The following KIAA1549 variants were observed in gnomAD, a reference collection of about 807,000 sequenced individuals.
The protein encoded by KIAA1549 is UPF0606 protein KIAA1549.
A neutral mutation model predicts 156.4 loss-of-function variants in KIAA1549; 70 were observed. The ratio of observed to expected loss-of-function variants is 0.45; its 90% confidence interval spans 0.37 to 0.55. The LOEUF (loss-of-function observed/expected upper bound fraction) is 0.55, where lower values mean the gene tolerates loss of function less well. Ranked by LOEUF, KIAA1549 falls within the 20% of genes least tolerant of loss-of-function variation. The pLI is 0.00. For missense variants in KIAA1549, 2,428 were observed against 2,540.9 expected (o/e 0.96, Z 0.96); for synonymous variants, 1,103 against 1,066.4 (o/e 1.03, Z -0.67).
intron 15 of KIAA1549, among the ~76,000 whole-genome samples, chr7:138,864,972 T>C (rs10240508): frequency 0.011 from 1,643 of 152,316 alleles, 21 homozygotes; most frequent in African/African-American, 0.038. Flanking sequence ...CTCATGTCTA[T>C]AATCCCAGAA....
chr7:138,835,734 G>A lies in KIAA1549; in HGVS notation c.*2172C>T, dbSNP rs1809687298. 1 of 218,916 alleles carries A rather than the reference G, an allele frequency of 4.6e-6. No homozygotes were observed. The allele number at this position is 218,916 out of a possible 1,614,324, so 13.6% of individuals were successfully genotyped here. On this transcript the variant is annotated 3_prime_UTR_variant, in exon 20 of 20. Transcript: ENST00000422774. ...CAAAGATAATCGTTCAATTTGGGAGGAGTCGGGTATTAAACCAAGACCAAG... is the reference window on the plus strand; with the variant it reads ...CAAAGATAATCGTTCAATTTGGGAGAAGTCGGGTATTAAACCAAGACCAAG...
chr7:138,924,059 AC>A (rs1234664248), intron 1 of KIAA1549, among the ~76,000 whole-genome samples: 2 of 152,188 alleles, frequency 1.3e-5, no homozygotes, highest in East Asian at 1.9e-4. Context: ...CTTCCATACA[AC>A]CTGGCTGTAG....
In KIAA1549 at chr7:138,832,190, C is replaced by CTTTTTTT. The variant is rs1563039449; in HGVS notation, c.*5715_*5716insAAAAAAA. The CTTTTTTT allele has an allele frequency of 4.2e-4, 71 of 169,976 alleles. 2 individuals are homozygous for CTTTTTTT. Among genetic ancestry groups the CTTTTTTT allele is most frequent in the African/African-American group, 1.0e-3 (31 of 30,142 alleles). 10.5% of individuals were successfully genotyped at this position (169,976 alleles called of 1,614,324 possible). A position where few individuals can be genotyped will look rare whatever the true frequency, so the allele number is the denominator to read the frequency against. On this transcript the variant is annotated 3_prime_UTR_variant, in exon 20 of 20. Transcript: ENST00000422774. ...TTCACCTCTGTCCCTTTTACCTATT[C>CTTTTTTT]CTTTTTTTTTTTTTTTTTTTTCCAG...
intron 1 of KIAA1549, among the ~76,000 whole-genome samples, chr7:138,922,113 C>T (rs902789620): frequency 1.3e-5 from 2 of 152,304 alleles, no homozygotes; most frequent in East Asian, 3.9e-4. Flanking sequence ...TCAATTTCTG[C>T]TGTTTAAGCC....
At chr7:138,879,344 A>T (rs1584725187) in intron 12 of KIAA1549, among the ~76,000 whole-genome samples, 194 bp downstream of exon 12, 1 of 152,196 alleles carries the variant, frequency 6.6e-6, no homozygotes, top group African/African-American at 2.4e-5. Flanking sequence ...ACCCCAGTGA[A>T]TCCCTGGCCC....
chr7:138,910,433 T>C (rs1274372604), intron 4 of KIAA1549, among the ~76,000 whole-genome samples: 1 of 149,550 alleles, frequency 6.7e-6, no homozygotes, highest in East Asian at 2.0e-4. Context: ...GGTCTCACTC[T>C]GTTGTCCAAG....
At chr7:138,901,332 T>A (rs1431529186) in intron 8 of KIAA1549, among the ~76,000 whole-genome samples, 6 of 151,094 alleles carry the variant, frequency 4.0e-5, no homozygotes, top group Non-Finnish European at 7.4e-5. Context: ...TTTTATTTTT[T>A]TTTTTTTTTT....
chr7:138,932,053 T>G (rs1330261578), intron 1 of KIAA1549, among the ~76,000 whole-genome samples: 1 of 152,156 alleles, frequency 6.6e-6, no homozygotes, highest in Non-Finnish European at 1.5e-5. Context: ...ACTCACAGTG[T>G]GGTCCACAAG....
chr7:138,909,041 G>C lies in KIAA1549; in HGVS notation c.3226C>G (p.Leu1076Val). The C allele has an allele frequency of 1.9e-6, 3 of 1,614,036 alleles. No individual in the cohort carries two copies. The highest frequency in any genetic ancestry group is 1.1e-5 in the South Asian group (1 of 91,084). ...QRIEKGLMTA[L>V]FEVRKHHQGT... ...TGGTGGTGTTTTCTCACTTCAAAGA[G>C]AGCTGTCATTAGGCCTTTCTCAATG... Residue 1076 changes from leucine to valine, a missense_variant, in exon 5 of 20, where the codon CTC becomes GTC. Leu to Val is a conservative substitution (Grantham distance 32). Coordinates refer to ENST00000422774, the MANE Select transcript of KIAA1549 (RefSeq NM_001164665.2).
chr7:138,917,432 C>A lies in KIAA1549; in HGVS notation c.2194G>T (p.Ala732Ser), dbSNP rs939346982. 6.2e-7 allele frequency: 1 copy of A among 1,613,950 alleles called. No individual in the cohort carries two copies. Among genetic ancestry groups the A allele is most frequent in the South Asian group, 1.1e-5 (1 of 91,078 alleles). Residue 732 changes from alanine to serine, a missense_variant, in exon 2 of 20, where the codon GCG becomes TCG. Physicochemically the swap from Ala to Ser is moderately conservative, Grantham distance 99 (BLOSUM62 1). Around this residue, in one of 5 missense-constraint regions of KIAA1549, gnomAD observed 762 missense variants for 901.6 expected, o/e 0.85. Transcript: ENST00000422774. Reference protein sequence around the residue: ...FPSDSLEFVEASTVSLTDSEA... With the variant: ...FPSDSLEFVESSTVSLTDSEA... ...GAATCCGTCAGTGAAACCGTAGACGCTTCAACAAACTCGAGAGAATCAGAA... is the reference window on the plus strand; with the variant it reads ...GAATCCGTCAGTGAAACCGTAGACGATTCAACAAACTCGAGAGAATCAGAA...
At chr7:138,923,418 C>T (rs772375505) in intron 1 of KIAA1549, among the ~76,000 whole-genome samples, 8 of 151,978 alleles carry the variant, frequency 5.3e-5, no homozygotes, top group South Asian at 2.1e-4. Context: ...CTGGCCAACA[C>T]GGTGAAACCC....
chr7:138,846,069 G>A (rs1810064281), intron 17 of KIAA1549, among the ~76,000 whole-genome samples: 1 of 152,152 alleles, frequency 6.6e-6, no homozygotes, highest in Admixed American at 6.5e-5. Context: ...GACTACTAAA[G>A]ACTTAAGGGT....
At chr7:138,956,239 AG>A (rs1048584719) in intron 1 of KIAA1549, among the ~76,000 whole-genome samples, 2 of 152,218 alleles carry the variant, frequency 1.3e-5, no homozygotes, top group Non-Finnish European at 2.9e-5. Context: ...ATGTAGTTCC[AG>A]GTGATCTTCA....
intron 13 of KIAA1549, among the ~76,000 whole-genome samples, chr7:138,870,533 A>G (rs1679561334): frequency 6.6e-6 from 1 of 152,188 alleles, no homozygotes; most frequent in Admixed American, 6.5e-5. Context: ...CTGCCCCCAG[A>G]GTGGTATCCC....
chr7:138,966,672 T>C (rs1814035152), intron 1 of KIAA1549, among the ~76,000 whole-genome samples: 1 of 151,886 alleles, frequency 6.6e-6, no homozygotes, highest in Non-Finnish European at 1.5e-5. Flanking sequence ...AGATTAAGGG[T>C]GGGTCTGCTT....
chr7:138,868,054 T>G lies in KIAA1549; in HGVS notation c.4850A>C (p.Asp1617Ala). ...VNGCPADAEK[D>A]RLITTDSDGT... ...ATCGCTGTCTGTGGTGATGAGCCGG[T>G]CCTTCTCAGCGTCGGCAGGACAGCC... The change falls in exon 15 of 20, where the codon GAC (aspartate) becomes GCC (alanine). Residue 1617 changes from aspartate to alanine, a missense_variant. Asp to Ala is a moderately radical substitution (Grantham distance 126). This residue lies in a region of KIAA1549 where 404 missense variants were observed against 417.0 expected (regional missense o/e 0.97). Transcript: ENST00000422774. The G allele has an allele frequency of 6.2e-7, 1 of 1,613,922 alleles. No individual in the cohort carries two copies. Among genetic ancestry groups the G allele is most frequent in the Non-Finnish European group, 8.5e-7 (1 of 1,179,872 alleles).
chr7:138,957,603 G>A (rs148128670), intron 1 of KIAA1549, among the ~76,000 whole-genome samples: 1 of 151,854 alleles, frequency 6.6e-6, no homozygotes, highest in African/African-American at 2.4e-5. Flanking sequence ...TCAGCCTCCA[G>A]AGTAGATGGG....
rs575336414 is a variant in KIAA1549, at chr7:138,960,562, G to A, written c.187+20521C>T. Among the ~76,000 whole-genome samples the A allele has an allele frequency of 8.6e-5, 13 of 151,920 alleles. No individual in the cohort carries two copies. The East Asian group carries it at 1.8e-3, about 20-fold the overall frequency. On this transcript the variant is annotated intron_variant, in intron 1 of 19. Coordinates refer to ENST00000422774, the MANE Select transcript of KIAA1549 (RefSeq NM_001164665.2). ...TAACCTCAGGTGATCCACCTGCCTC[G>A]GCCTCCAAAAATGCTGGGATTACAG...
At chr7:138,926,657 T>G (rs928683773) in intron 1 of KIAA1549, among the ~76,000 whole-genome samples, 2 of 152,142 alleles carry the variant, frequency 1.3e-5, no homozygotes, top group Non-Finnish European at 2.9e-5. Flanking sequence ...AACCATCCTT[T>G]CCCCTTCTCC....
Sources: gnomAD v4.1 joint callset for allele counts (sites outside exome capture counted in the v4.1 genomes callset) on GRCh38, gnomAD v4.1.1 for gene constraint, gnomAD v4.1.1 regional missense constraint, MANE v1.5 for transcripts, NCBI Gene and HGNC (gene_info 2026-07-23, HGNC 2026-07-21) for gene names.